ATP8B3: variants seen among roughly 807,000 people sequenced by gnomAD.
The protein encoded by ATP8B3 is ATPase phospholipid transporting 8B3.
A neutral mutation model predicts 140.9 loss-of-function variants in ATP8B3; 141 were observed. The ratio of observed to expected loss-of-function variants is 1.00; its 90% confidence interval spans 0.87 to 1.15. The LOEUF is 1.15. Among genes scored for constraint, ATP8B3 ranks in the 50% most tolerant of loss-of-function variants. The pLI is 0.00. For synonymous variants in ATP8B3, 765 were observed against 714.6 expected, an observed-to-expected ratio of 1.07 and a Z score of -1.13; for missense variants, 1,874 against 1,740.6, an observed-to-expected ratio of 1.08 and a Z score of -1.36.
In ATP8B3 at chr19:1,789,506, C is replaced by T. The variant is rs1190120992; in HGVS notation, c.2700G>A (p.Val900=). Residue 900 remains valine, a synonymous_variant, in exon 23 of 29, where the codon GTG becomes GTA. Transcript: ENST00000310127. ...SSEVLQERAF[V]DLASKCQAVI... ...CCGCCTGGCACTTGGACGCCAGGTC[C>T]ACGAAGGCGCGCTCCTGCAGCACCT... is the stretch of plus-strand genomic sequence containing the variant. 2.5e-6 allele frequency: 4 copies of T among 1,597,978 alleles called. No homozygotes were observed. Among genetic ancestry groups the T allele is most frequent in the Non-Finnish European group, 1.7e-6 (2 of 1,179,144 alleles).
Position 1,785,482 on chromosome 19 carries a change from G to C in ATP8B3, c.3380C>G (p.Ser1127Cys). The C allele has an allele frequency of 6.2e-7, 1 of 1,612,856 alleles. No individual in the cohort carries two copies. The stretch of plus-strand genomic sequence containing the variant: ...GACCTTGCCCACCTCCATGGTGATG[G>C]ACAGCAGGCAAGACAGGGCCACCAC... ...AVVVALSCLL[S>C]ITMEVILIIK... is the part of the protein sequence containing the mutation. Residue 1127 changes from serine to cysteine, a missense_variant, in exon 26 of 29, where the codon TCC becomes TGC. By Grantham distance (112) the Ser-to-Cys change is moderately radical. Around this residue, in one of 3 missense-constraint regions of ATP8B3, gnomAD observed 840 missense variants for 760.9 expected, o/e 1.10. Coordinates refer to ENST00000310127, the MANE Select transcript of ATP8B3 (RefSeq NM_138813.4).
chr19:1,800,405 G>T lies in ATP8B3; in HGVS notation c.1197C>A (p.Gly399=), dbSNP rs372578756. The change falls in exon 13 of 29, where the codon GGC becomes GGA. Residue 399 remains glycine (G), a synonymous_variant. Transcript: ENST00000310127. The surrounding 1 kb of genome is among the most constrained non-coding windows in gnomAD (Gnocchi z 4.4). ...VVLVCLVLAF[G]FGFSVKEFKD... ...TGAATTCTTTGACTGAGAAACCGAA[G>T]CCGAAGGCCAACACCAGGCAGACAA... 2.7e-5 allele frequency: 44 copies of T among 1,611,132 alleles called. No homozygotes were observed. The African/African-American group carries it at 5.7e-4, about 21-fold the overall frequency.
intron 2 of ATP8B3, 71 bp downstream of exon 2, chr19:1,811,418 G>A (rs1328402594): frequency 2.6e-6 from 4 of 1,521,958 alleles, no homozygotes; most frequent in Non-Finnish European, 3.5e-6. Flanking sequence ...CCACCTGCCA[G>A]CTCTCTAGCA....
At chr19:1,812,077 C>T (rs1281490927) in intron 1 of ATP8B3, 109 bp downstream of exon 1, 5 of 247,948 alleles carry the variant, frequency 2.0e-5, no homozygotes, top group African/African-American at 4.5e-5. Context: ...CCTCTAGGGG[C>T]GCGCTCTCCA....
rs141216755 is a variant in ATP8B3, at chr19:1,808,227, GGAT to G, written c.508_510del (p.Ile170del). 335 of 1,609,392 alleles carry G rather than the reference GGAT, an allele frequency of 2.1e-4. 1 individual carries two copies. The East Asian group carries it at 6.5e-3, about 31-fold the overall frequency. Reference sequence around the variant, plus strand: ...GAGGAGGCAACACGCCTCACCTGCAGGATGATGATGATGAGGAAGAACAGGTTG... The same window carrying G: ...GAGGAGGCAACACGCCTCACCTGCAGGATGATGATGAGGAAGAACAGGTTG... On this transcript the variant is annotated inframe_deletion, in exon 5 of 29. Transcript: ENST00000310127.
chr19:1,784,835 T>C lies in ATP8B3; in HGVS notation c.3644A>G (p.Lys1215Arg). The C allele has an allele frequency of 6.2e-7, 1 of 1,607,226 alleles. No individual in the cohort carries two copies. Among genetic ancestry groups the C allele is most frequent in the Non-Finnish European group, 8.5e-7 (1 of 1,176,936 alleles). The part of the protein sequence containing the change: ...LALRVIFPAL[K>R]ELRAKEEKVE... ...CCACCTCACCTTGGCACGTAGCTCC[T>C]TGAGGGCTGGGAAGATGACTCGGAG... is the stretch of plus-strand genomic sequence containing the variant. The change falls in exon 28 of 29, where the codon AAG becomes AGG. Residue 1215 changes from lysine (K) to arginine (R), a missense_variant. This residue lies in a region of ATP8B3 where 840 missense variants were observed against 760.9 expected (regional missense o/e 1.10). Coordinates refer to ENST00000310127, the MANE Select transcript of ATP8B3 (RefSeq NM_138813.4).
chr19:1,785,521 T>G lies in ATP8B3; in HGVS notation c.3341A>C (p.Gln1114Pro). The G allele has an allele frequency of 3.7e-6, 6 of 1,612,970 alleles. No homozygotes were observed. The South Asian group carries it at 6.6e-5, about 18-fold the overall frequency. Residue 1114 changes from glutamine (Q) to proline (P), a missense_variant, in exon 26 of 29, where the codon CAG (glutamine) becomes CCG (proline). By Grantham distance (76) the Gln-to-Pro change is moderately conservative. This residue lies in a region of ATP8B3 where 840 missense variants were observed against 760.9 expected (regional missense o/e 1.10). Transcript: ENST00000310127. ...CAGGGCCACCACGACCGCAAAGGAC[T>G]GGTGGTCGCTGAAGCTGGCGGGTCC... is the stretch of plus-strand genomic sequence containing the variant. ...TAGPASFSDH[Q>P]SFAVVVALSC...
intron 24 of ATP8B3, among the ~76,000 whole-genome samples, chr19:1,788,214 C>T (rs2068368341): frequency 6.6e-6 from 1 of 152,360 alleles, no homozygotes; most frequent in East Asian, 1.9e-4. Context: ...CCCTGGGGCT[C>T]CTCTAGTCCT....
At chr19:1,795,697 A>G (rs1227737510) in intron 18 of ATP8B3, among the ~76,000 whole-genome samples, 178 bp downstream of exon 18, 2 of 151,386 alleles carry the variant, frequency 1.3e-5, no homozygotes, top group East Asian at 3.9e-4. Context: ...TGCACAACAT[A>G]CCTCACTGTA....
Position 1,805,768 on chromosome 19 carries a change from T to A in ATP8B3, c.821+120A>T, listed in dbSNP as rs2068992291. 8.2e-7 allele frequency: 1 copy of A among 1,222,834 alleles called. No individual in the cohort carries two copies. The highest frequency in any genetic ancestry group is 2.0e-5 in the Admixed American group (1 of 50,734). The allele number at this position is 1,222,834 out of a possible 1,614,324, so 75.7% of individuals were successfully genotyped here. ...ACCCACGCCCCAGACACTCATGGGG[T>A]GAGTGACCAAAGTCTCTGAGCGACC... On this transcript the variant is annotated intron_variant, in intron 9 of 28. Coordinates refer to ENST00000310127, the MANE Select transcript of ATP8B3 (RefSeq NM_138813.4). The surrounding 1 kb of genome is among the most constrained non-coding windows in gnomAD (Gnocchi z 5.2).
chr19:1,790,724 C>T, intron 21 of ATP8B3, 33 bp downstream of exon 21: 2 of 1,557,674 alleles, frequency 1.3e-6, no homozygotes, highest in Admixed American at 1.9e-5. Flanking sequence ...CTCCCCACTC[C>T]CCTTGCTCAC....
intron 18 of ATP8B3, among the ~76,000 whole-genome samples, chr19:1,792,579 C>CAAAA (rs3050768): frequency 1.4e-4 from 13 of 95,300 alleles, no homozygotes; most frequent in Admixed American, 4.8e-4. Flanking sequence ...GACTCCATCT[C>CAAAA]AAAAAAAAAA....
rs535655750 is a variant in ATP8B3 at position 1,794,091 on chromosome 19, G to T, written c.2055+1784C>A. Among the ~76,000 whole-genome samples, 1 of 152,060 alleles carries T rather than the reference G, an allele frequency of 6.6e-6. No individual in the cohort carries two copies. The highest frequency in any genetic ancestry group is 1.5e-5 in the Non-Finnish European group (1 of 68,006). On this transcript the variant is annotated intron_variant, in intron 18 of 28. Coordinates refer to ENST00000310127, the MANE Select transcript of ATP8B3 (RefSeq NM_138813.4). The surrounding 1 kb of genome is among the most constrained non-coding windows in gnomAD (Gnocchi z 4.8). ...CGCCCAGGCTGGAGTGCAGTGGTGCGATCACAGCTTGCTGTAGCCTCCACC... is the reference window on the plus strand; with the variant it reads ...CGCCCAGGCTGGAGTGCAGTGGTGCTATCACAGCTTGCTGTAGCCTCCACC...
chr19:1,802,619 T>G lies in ATP8B3; in HGVS notation c.931A>C (p.Ser311Arg), dbSNP rs1425132722. ...QGTVTCEAPN[S>R]RMHHFVGCLE... ...CACCCCACGAAGTGGTGCATCCGAC[T>G]GTTAGGCGCCTCACACGTCACTGTG... The change falls in exon 11 of 29, where the codon AGT (serine) becomes CGT (arginine). Residue 311 changes from serine to arginine, a missense_variant. Around this residue, in one of 3 missense-constraint regions of ATP8B3, gnomAD observed 1,032 missense variants for 963.6 expected, o/e 1.07. Coordinates refer to ENST00000310127, the MANE Select transcript of ATP8B3 (RefSeq NM_138813.4). 75 of 1,611,420 alleles carry G rather than the reference T, an allele frequency of 4.7e-5. No individual in the cohort carries two copies. The highest frequency in any genetic ancestry group is 6.3e-5 in the Non-Finnish European group (74 of 1,179,450).
At chr19:1,792,537 A>T (rs1259994734) in intron 18 of ATP8B3, among the ~76,000 whole-genome samples, 1 of 144,194 alleles carries the variant, frequency 6.9e-6, no homozygotes, top group Non-Finnish European at 1.5e-5. Context: ...CTGAGATCAC[A>T]CCACTGCACT....
In ATP8B3 at chr19:1,789,546, G is replaced by T. The variant is rs369357230; in HGVS notation, c.2660C>A (p.Ala887Asp). 3.1e-6 allele frequency: 5 copies of T among 1,596,692 alleles called. No homozygotes were observed. Among genetic ancestry groups the T allele is most frequent in the Non-Finnish European group, 4.2e-6 (5 of 1,177,998 alleles). Residue 887 changes from alanine (A) to aspartate (D), a missense_variant, in exon 23 of 29, where the codon GCC (alanine) becomes GAC (aspartate). By Grantham distance (126) the Ala-to-Asp change is moderately radical. Transcript: ENST00000310127. ...CTGCAGCACCTCGGAGCTACGGCGG[G>T]CTCTGGAGTCCTGGGCTGGCGGTGC... ...LAAPPAQDSRARRSSEVLQER... is the reference protein window; with the variant it reads ...LAAPPAQDSRDRRSSEVLQER...
intron 4 of ATP8B3, among the ~76,000 whole-genome samples, chr19:1,809,411 G>C (rs1009709930): frequency 2.0e-5 from 3 of 151,524 alleles, no homozygotes; most frequent in African/African-American, 7.3e-5. Flanking sequence ...AACCCCGGAG[G>C]TGGAGGTTGC....
At position 1,806,616 on chromosome 19, in the gene ATP8B3, C is replaced by G. The variant is rs751249755; in HGVS notation, c.677+12G>C. On this transcript the variant is annotated intron_variant, in intron 7 of 28. Transcript: ENST00000310127. This position sits in a 1 kb window ranked among gnomAD's most constrained non-coding sequence, Gnocchi z 5.6. ...TGTCCCCGCGGATCCCCAGCTGCAG[C>G]CCCAGCCTCACCTCTTCCCCATCAG... 50 of 1,554,450 alleles carry G rather than the reference C, an allele frequency of 3.2e-5. No homozygotes were observed. The highest frequency in any genetic ancestry group is 4.2e-5 in the Non-Finnish European group (48 of 1,149,194).
At chr19:1,804,501 G>A (rs928339230) in intron 10 of ATP8B3, among the ~76,000 whole-genome samples, 1 of 152,056 alleles carries the variant, frequency 6.6e-6, no homozygotes, top group Non-Finnish European at 1.5e-5. Flanking sequence ...CCAGCTACTC[G>A]GAAGGCTGAG....
Sources: gnomAD v4.1 joint callset for allele counts (sites outside exome capture counted in the v4.1 genomes callset) on GRCh38, gnomAD v4.1.1 for gene constraint, gnomAD v4.1.1 regional missense constraint, Gnocchi (gnomAD v3.1) non-coding constraint, MANE v1.5 for transcripts, NCBI Gene and HGNC (gene_info 2026-07-23, HGNC 2026-07-21) for gene names.